CDC42: variants seen among roughly 807,000 people sequenced by gnomAD.
CDC42 encodes the protein cell division cycle 42.
Under a neutral mutation model 20.8 loss-of-function variants are expected in CDC42, and 1 was observed. The observed-to-expected ratio is 0.05, with a 90% CI of 0.02 to 0.23. CDC42 has a LOEUF of 0.23. Among genes scored for constraint, CDC42 ranks in the 10% least tolerant of loss-of-function variants. CDC42 has a pLI of 1.00. For synonymous variants in CDC42, 72 were observed against 84.8 expected, an observed-to-expected ratio of 0.85 and a Z score of 0.83; for missense variants, 49 against 227.9, an observed-to-expected ratio of 0.21 and a Z score of 5.05.
rs1253978566 is a variant in CDC42 at position 22,093,795 on chromosome 1, G to T, written c.*2278G>T. Among the ~76,000 whole-genome samples the T allele has an allele frequency of 6.6e-6, 1 of 152,182 alleles. No individual in the cohort carries two copies. The highest frequency in any genetic ancestry group is 1.5e-5 in the Non-Finnish European group (1 of 68,038). On this transcript the variant is annotated 3_prime_UTR_variant, in exon 6 of 6. Coordinates refer to ENST00000656825, the MANE Select transcript of CDC42 (RefSeq NM_001791.4). The stretch of plus-strand genomic sequence containing the variant: ...GAAAGCAGGGACATATGTATCCTTA[G>T]TGTAGTCAGGGGCGTATAGGTCCTT...
chr1:22,063,049 A>G (rs141891025), intron 1 of CDC42, among the ~76,000 whole-genome samples: 27 of 152,320 alleles, frequency 1.8e-4, no homozygotes, highest in African/African-American at 6.5e-4. Flanking sequence ...TGGATATGGA[A>G]GAAGTGACTG....
rs969962690 is a variant in CDC42, at chr1:22,098,280, T to G, written c.*6763T>G. ...ATCTGTAAAATTGCATACTTAGTTA[T>G]CATTGAGGTCTCAAATGCAGTTCGG... On this transcript the variant is annotated 3_prime_UTR_variant, in exon 6 of 6. Transcript: ENST00000656825. 5.3e-5 allele frequency among the ~76,000 whole-genome samples: 8 copies of G among 152,138 alleles called. No homozygotes were observed. Among genetic ancestry groups the G allele is most frequent in the African/African-American group, 1.9e-4 (8 of 41,402 alleles).
chr1:22,083,818 C>T (rs1409504508), intron 3 of CDC42, among the ~76,000 whole-genome samples: 1 of 152,174 alleles, frequency 6.6e-6, no homozygotes, highest in Non-Finnish European at 1.5e-5. Flanking sequence ...GTCCCTTGAC[C>T]TGGTTCCAGG....
chr1:22,076,078 A>T (rs867013131), intron 1 of CDC42, among the ~76,000 whole-genome samples: 1 of 152,288 alleles, frequency 6.6e-6, no homozygotes, highest in South Asian at 2.1e-4. Flanking sequence ...TCACGGATAT[A>T]TACTTGTCAT....
At chr1:22,083,164 A>T (rs1645626412) in intron 3 of CDC42, among the ~76,000 whole-genome samples, 1 of 152,102 alleles carries the variant, frequency 6.6e-6, no homozygotes, top group South Asian at 2.1e-4. Context: ...TACAGGTGTG[A>T]ACCACTGCGC....
At chr1:22,066,578 G>A (rs1645426134) in intron 1 of CDC42, among the ~76,000 whole-genome samples, 1 of 152,134 alleles carries the variant, frequency 6.6e-6, no homozygotes, top group Non-Finnish European at 1.5e-5. Context: ...AGATAAACAA[G>A]ATAATTATAG....
At chr1:22,076,142 A>G (rs1419379669) in intron 1 of CDC42, among the ~76,000 whole-genome samples, 2 of 152,140 alleles carry the variant, frequency 1.3e-5, no homozygotes, top group African/African-American at 2.4e-5. Flanking sequence ...CAGACAGTAT[A>G]GTGTAATGTA....
chr1:22,073,047 C>T (rs989200894), intron 1 of CDC42, among the ~76,000 whole-genome samples: 12 of 152,136 alleles, frequency 7.9e-5, no homozygotes, highest in Non-Finnish European at 1.8e-4. Flanking sequence ...GCATTTGTAG[C>T]TGGGAGTATC....
At chr1:22,069,031 G>A (rs1645453855) in intron 1 of CDC42, among the ~76,000 whole-genome samples, 1 of 152,168 alleles carries the variant, frequency 6.6e-6, no homozygotes, top group Admixed American at 6.5e-5. Context: ...ATTGTGGGGT[G>A]TGCCTACGTA....
intron 5 of CDC42, among the ~76,000 whole-genome samples, chr1:22,088,329 A>G (rs1315533332): frequency 6.6e-6 from 1 of 152,262 alleles, no homozygotes; most frequent in South Asian, 2.1e-4. Flanking sequence ...CTGTGGATTC[A>G]CTTTTAGGTT....
In CDC42 at chr1:22,095,560, C is replaced by T. The variant is rs1303282507; in HGVS notation, c.*4043C>T. Among the ~76,000 whole-genome samples the T allele has an allele frequency of 2.6e-5, 4 of 152,304 alleles. No individual in the cohort carries two copies. The highest frequency in any genetic ancestry group is 1.9e-4 in the East Asian group (1 of 5,178). ...CTAGGATTACAGGCGTGAGCCACCG[C>T]GCCTGGCCAGAATGAATACTTTTAA... On this transcript the variant is annotated 3_prime_UTR_variant, in exon 6 of 6. Coordinates refer to ENST00000656825, the MANE Select transcript of CDC42 (RefSeq NM_001791.4).
chr1:22,079,076 T>C (rs536383001), intron 2 of CDC42, among the ~76,000 whole-genome samples: 1 of 151,996 alleles, frequency 6.6e-6, no homozygotes, highest in East Asian at 1.9e-4. Context: ...AGACCTGTTA[T>C]GTTTCGAGAA....
At chr1:22,066,403 A>G (rs1439365419) in intron 1 of CDC42, among the ~76,000 whole-genome samples, 1 of 152,166 alleles carries the variant, frequency 6.6e-6, no homozygotes, top group East Asian at 1.9e-4. Context: ...AGAATAAAGT[A>G]AGCATATGTG....
At chr1:22,057,046 T>C (rs1645311018) in intron 1 of CDC42, among the ~76,000 whole-genome samples, 1 of 152,244 alleles carries the variant, frequency 6.6e-6, no homozygotes. Flanking sequence ...ATTAAAAGCA[T>C]AGACTCTGGA....
intron 1 of CDC42, among the ~76,000 whole-genome samples, chr1:22,067,941 A>G (rs1417587504): frequency 6.6e-6 from 1 of 152,098 alleles, no homozygotes; most frequent in Non-Finnish European, 1.5e-5. Context: ...GGTAGCTTGA[A>G]AATAGGGTGA....
At chr1:22,090,193 A>G (rs2124049956) in intron 5 of CDC42, 1 of 1,304,424 alleles carries the variant, frequency 7.7e-7, no homozygotes. Context: ...CAAGAATGCA[A>G]TATCATATAA....
intron 1 of CDC42, among the ~76,000 whole-genome samples, chr1:22,076,985 AAAACAAAAACC>A (rs1021355249): frequency 3.9e-5 from 6 of 151,908 alleles, no homozygotes; most frequent in African/African-American, 1.2e-4. Context: ...GTCTCTTAAA[AAAACAAAAACC>A]AAACAAAAAC....
chr1:22,072,137 G>T (rs1458822802), intron 1 of CDC42, among the ~76,000 whole-genome samples: 4 of 107,350 alleles, frequency 3.7e-5, no homozygotes, highest in Non-Finnish European at 6.8e-5. Flanking sequence ...TCGCTCTGTT[G>T]CCCAGGCTGG....
At chr1:22,071,032 CT>C (rs1298283635) in intron 1 of CDC42, among the ~76,000 whole-genome samples, 1 of 121,192 alleles carries the variant, frequency 8.3e-6, no homozygotes, top group African/African-American at 3.2e-5. Flanking sequence ...ACAAGCATTT[CT>C]TTTTTTTTCT....
Sources: gnomAD v4.1 joint callset for allele counts (sites outside exome capture counted in the v4.1 genomes callset) on GRCh38, gnomAD v4.1.1 for gene constraint, MANE v1.5 for transcripts, NCBI Gene and HGNC (gene_info 2026-07-23, HGNC 2026-07-21) for gene names.